The following ZBTB20 variants were observed in gnomAD, a reference collection of about 807,000 sequenced individuals.
ZBTB20 encodes zinc finger and BTB domain containing 20, also known as zinc finger and BTB domain-containing protein 20.
ZBTB20 carries 9 observed loss-of-function variants against 56.9 expected under a neutral mutation model. The observed-to-expected ratio is 0.16, with a 90% CI of 0.10 to 0.28. ZBTB20 has a LOEUF of 0.28. ZBTB20 is among the 10% of genes least tolerant of loss of function. The pLI is 1.00. For synonymous variants in ZBTB20, 417 were observed against 420.7 expected, an observed-to-expected ratio of 0.99 and a Z score of 0.11; for missense variants, 655 against 1,003.0, an observed-to-expected ratio of 0.65 and a Z score of 4.69.
At chr3:114,448,126 A>G (rs768877717) in intron 7 of ZBTB20, among the ~76,000 whole-genome samples, 1 of 152,046 alleles carries the variant, frequency 6.6e-6, no homozygotes. Context: ...GCCTTGCACC[A>G]TTGCTGGGGA....
At chr3:115,139,931 G>C (rs778954856) in intron 1 of ZBTB20, among the ~76,000 whole-genome samples, 2 of 151,962 alleles carry the variant, frequency 1.3e-5, no homozygotes, top group Non-Finnish European at 2.9e-5. Context: ...TACTTTACTA[G>C]TGTGCTATGT....
intron 6 of ZBTB20, among the ~76,000 whole-genome samples, chr3:114,681,212 TGCA>T (rs776284769): frequency 9.4e-4 from 142 of 151,212 alleles, no homozygotes; most frequent in Middle Eastern, 3.4e-3. Flanking sequence ...CAGATTGCAG[TGCA>T]GTGGTGCGAT....
intron 4 of ZBTB20, among the ~76,000 whole-genome samples, chr3:114,855,753 G>A (rs2075222704): frequency 6.6e-6 from 1 of 152,184 alleles, no homozygotes; most frequent in African/African-American, 2.4e-5. Flanking sequence ...CATTTGGGGA[G>A]CAGCAGGAGA....
intron 6 of ZBTB20, among the ~76,000 whole-genome samples, chr3:114,540,794 A>G (rs1048529369): frequency 2.0e-5 from 3 of 152,228 alleles, no homozygotes; most frequent in African/African-American, 4.8e-5. Context: ...TCAGTATAGC[A>G]AATATCCCTA....
chr3:114,486,116 A>AAG (rs1234541344), intron 7 of ZBTB20, among the ~76,000 whole-genome samples: 1 of 89,268 alleles, frequency 1.1e-5, no homozygotes, highest in Non-Finnish European at 2.0e-5. Context: ...GGTGGTCAGT[A>AAG]AGAGTGTGTG....
At chr3:114,904,753 A>C (rs1204951876) in intron 3 of ZBTB20, among the ~76,000 whole-genome samples, 4 of 151,892 alleles carry the variant, frequency 2.6e-5, no homozygotes, top group Non-Finnish European at 4.4e-5. Flanking sequence ...TTGAAAAGCT[A>C]TCTGCCTATA....
chr3:114,465,981 T>C (rs1396078767), intron 7 of ZBTB20, among the ~76,000 whole-genome samples: 2 of 152,100 alleles, frequency 1.3e-5, no homozygotes, highest in Non-Finnish European at 2.9e-5. Flanking sequence ...AATACATGTA[T>C]GTACATTTGT....
intron 6 of ZBTB20, among the ~76,000 whole-genome samples, chr3:114,592,658 T>G (rs969880310): frequency 6.6e-6 from 1 of 152,186 alleles, no homozygotes; most frequent in Admixed American, 6.5e-5. Flanking sequence ...CTAACTTACT[T>G]TTAAATTTCG....
At chr3:115,110,146 AG>A (rs752902902) in intron 1 of ZBTB20, among the ~76,000 whole-genome samples, 1 of 151,378 alleles carries the variant, frequency 6.6e-6, no homozygotes, top group Non-Finnish European at 1.5e-5. Context: ...CGGGAGGCGG[AG>A]GTTGCAGTGA....
At chr3:114,568,050 G>A (rs1403054166) in intron 6 of ZBTB20, among the ~76,000 whole-genome samples, 1 of 152,216 alleles carries the variant, frequency 6.6e-6, no homozygotes, top group Non-Finnish European at 1.5e-5. Flanking sequence ...TCTGCAGAGA[G>A]GTTAAGTCCA....
intron 5 of ZBTB20, among the ~76,000 whole-genome samples, chr3:114,713,097 A>C (rs998104213): frequency 6.6e-6 from 1 of 152,186 alleles, no homozygotes; most frequent in Non-Finnish European, 1.5e-5. Flanking sequence ...ATACCATATG[A>C]AGTGCAAATC....
chr3:115,057,364 G>A (rs1393888971), intron 2 of ZBTB20, among the ~76,000 whole-genome samples: 2 of 150,908 alleles, frequency 1.3e-5, no homozygotes, highest in Admixed American at 6.6e-5. Flanking sequence ...ATTTTGTAAT[G>A]ATTATTGTAG....
At chr3:114,474,505 A>G (rs1486792110) in intron 7 of ZBTB20, among the ~76,000 whole-genome samples, 1 of 152,036 alleles carries the variant, frequency 6.6e-6, no homozygotes, top group Non-Finnish European at 1.5e-5. Context: ...TTGCTTCTCT[A>G]TCTAGTGAGG....
intron 5 of ZBTB20, among the ~76,000 whole-genome samples, chr3:114,717,799 G>A (rs1455992350): frequency 6.7e-6 from 1 of 148,816 alleles, no homozygotes; most frequent in Admixed American, 6.8e-5. Flanking sequence ...CAAATGCAAT[G>A]GTCACATTTT....
chr3:114,571,446 T>G (rs2053426491), intron 6 of ZBTB20, among the ~76,000 whole-genome samples: 1 of 152,172 alleles, frequency 6.6e-6, no homozygotes, highest in Non-Finnish European at 1.5e-5. Flanking sequence ...TAATTTACTG[T>G]AACTACTCAG....
intron 5 of ZBTB20, among the ~76,000 whole-genome samples, chr3:114,759,574 G>C (rs961240007): frequency 6.6e-6 from 1 of 152,102 alleles, no homozygotes; most frequent in Non-Finnish European, 1.5e-5. Context: ...TGAGAAATCA[G>C]ACATATACTG....
At chr3:114,686,785 C>T (rs75404923) in intron 6 of ZBTB20, among the ~76,000 whole-genome samples, 7 of 152,152 alleles carry the variant, frequency 4.6e-5, no homozygotes, top group East Asian at 3.8e-4. Context: ...ATATCTCTAA[C>T]GAGAATGAAG....
chr3:114,588,212 C>CT (rs1386754128), intron 6 of ZBTB20, among the ~76,000 whole-genome samples: 12 of 152,220 alleles, frequency 7.9e-5, no homozygotes, highest in Non-Finnish European at 1.3e-4. Flanking sequence ...CAACTTCAAA[C>CT]TTTGCACAGA....
chr3:114,833,248 C>G (rs1010855527), intron 4 of ZBTB20, among the ~76,000 whole-genome samples: 1 of 152,092 alleles, frequency 6.6e-6, no homozygotes, highest in African/African-American at 2.4e-5. Context: ...GCTATACCAG[C>G]GTTGTTTTGG....
Sources: gnomAD v4.1 joint callset for allele counts (sites outside exome capture counted in the v4.1 genomes callset) on GRCh38, gnomAD v4.1.1 for gene constraint, MANE v1.5 for transcripts, NCBI Gene and HGNC (gene_info 2026-07-23, HGNC 2026-07-21) for gene names.